SLIT2: variants seen among roughly 807,000 people sequenced by gnomAD.
SLIT2 encodes slit guidance ligand 2.
A neutral mutation model predicts 185.7 loss-of-function variants in SLIT2; 41 were observed. That is an observed-to-expected ratio of 0.22 (90% confidence interval 0.17 to 0.29). The LOEUF (loss-of-function observed/expected upper bound fraction) is 0.29. SLIT2 is among the 10% of genes least tolerant of loss of function. The probability of loss-of-function intolerance (pLI) is 1.00; values close to 1 mark genes in which losing one functional copy is unlikely to be tolerated. For missense variants in SLIT2, 1,571 were observed against 1,909.0 expected, an observed-to-expected ratio of 0.82 and a Z score of 3.30; for synonymous variants, 693 against 680.2, an observed-to-expected ratio of 1.02 and a Z score of -0.29.
chr4:20,377,310 C>G (rs1246128646), intron 4 of SLIT2, among the ~76,000 whole-genome samples: 3 of 151,946 alleles, frequency 2.0e-5, no homozygotes, highest in Non-Finnish European at 4.4e-5. Context: ...AAGAAACTTA[C>G]TGAAAGTGAA....
At chr4:20,431,124 A>G (rs902127909) in intron 4 of SLIT2, among the ~76,000 whole-genome samples, 1 of 152,236 alleles carries the variant, frequency 6.6e-6, no homozygotes, top group Non-Finnish European at 1.5e-5. Context: ...GGCCCCAGAA[A>G]TAATGTTAAT....
At position 20,480,777 on chromosome 4, in the gene SLIT2, C is replaced by G. The variant is rs1560462641; in HGVS notation, c.529C>G (p.Leu177Val). 1 of 1,611,600 alleles carries G rather than the reference C, an allele frequency of 6.2e-7. No homozygotes were observed. Among genetic ancestry groups the G allele is most frequent in the Admixed American group, 1.7e-5 (1 of 60,010 alleles). Residue 177 changes from leucine to valine, a missense_variant, in exon 6 of 37, where the codon CTG becomes GTG. By Grantham distance (32) the Leu-to-Val change is conservative (BLOSUM62 1). This residue lies in a region of SLIT2 where 1,202 missense variants were observed against 1,416.4 expected (regional missense o/e 0.85). Coordinates refer to ENST00000504154, the MANE Select transcript of SLIT2 (RefSeq NM_004787.4). Reference protein sequence around the residue: ...EDGAFRALRDLEVLTLNNNNI... With the variant: ...EDGAFRALRDVEVLTLNNNNI... ...TGGGGCATTCAGGGCTCTCCGGGAC[C>G]TGGAAGTGCTGTAAGTACTGCTATT...
At chr4:20,259,631 C>T (rs899169405) in intron 3 of SLIT2, among the ~76,000 whole-genome samples, 3 of 151,768 alleles carry the variant, frequency 2.0e-5, no homozygotes, top group African/African-American at 7.2e-5. Context: ...TTTCCTAAAA[C>T]TTATTAACCA....
chr4:20,312,031 A>G (rs1165808214), intron 4 of SLIT2, among the ~76,000 whole-genome samples: 5 of 152,232 alleles, frequency 3.3e-5, no homozygotes, highest in African/African-American at 1.2e-4. Context: ...TTCATGAGTA[A>G]GATTAGCTAA....
chr4:20,566,153 G>T (rs1008272022), intron 26 of SLIT2, among the ~76,000 whole-genome samples: 1 of 152,008 alleles, frequency 6.6e-6, no homozygotes, highest in Non-Finnish European at 1.5e-5. Context: ...CGGTGGGGGT[G>T]CAGAGCTGCT....
intron 4 of SLIT2, among the ~76,000 whole-genome samples, chr4:20,340,927 C>T (rs982035540): frequency 3.9e-5 from 6 of 151,956 alleles, no homozygotes; most frequent in Non-Finnish European, 5.9e-5. Context: ...TATTAGAACA[C>T]GTTAAGTTCT....
chr4:20,525,083 TA>T, intron 14 of SLIT2, 65 bp from the exon 15 acceptor site: 1 of 1,170,102 alleles, frequency 8.5e-7, no homozygotes, highest in Non-Finnish European at 1.3e-6. Flanking sequence ...TAATCTAATA[TA>T]ACTCATATCT....
At chr4:20,267,586 T>A (rs571159658) in intron 3 of SLIT2, among the ~76,000 whole-genome samples, 2 of 151,872 alleles carry the variant, frequency 1.3e-5, no homozygotes, top group East Asian at 3.9e-4. Flanking sequence ...TCTGCTTGAA[T>A]ACATTTTGAG....
At chr4:20,422,481 T>C (rs761180782) in intron 4 of SLIT2, among the ~76,000 whole-genome samples, 1 of 152,172 alleles carries the variant, frequency 6.6e-6, no homozygotes, top group Non-Finnish European at 1.5e-5. Context: ...ATCATTTTGA[T>C]TGACCAAAAA....
chr4:20,448,092 T>C (rs1231840215), intron 4 of SLIT2, among the ~76,000 whole-genome samples: 2 of 152,166 alleles, frequency 1.3e-5, no homozygotes, highest in Non-Finnish European at 2.9e-5. Context: ...GTCAGTCTAT[T>C]TCTAACTACT....
intron 17 of SLIT2, chr4:20,533,280 C>A: frequency 3.7e-6 from 1 of 273,964 alleles, no homozygotes; most frequent in Non-Finnish European, 6.8e-6. Flanking sequence ...TTATAGATGG[C>A]ATAAAGGTTT....
At chr4:20,512,176 T>C (rs542073518) in intron 11 of SLIT2, among the ~76,000 whole-genome samples, 9 of 152,106 alleles carry the variant, frequency 5.9e-5, no homozygotes, top group East Asian at 1.9e-4. Context: ...TTGATGTCAA[T>C]TCCTGCCAAA....
At chr4:20,311,205 TA>T (rs1381652168) in intron 4 of SLIT2, among the ~76,000 whole-genome samples, 6 of 152,236 alleles carry the variant, frequency 3.9e-5, no homozygotes, top group African/African-American at 1.4e-4. Flanking sequence ...CAATATTTTA[TA>T]CCAAAATAAT....
intron 4 of SLIT2, among the ~76,000 whole-genome samples, chr4:20,386,566 C>A (rs555931505): frequency 3.3e-4 from 51 of 152,250 alleles, no homozygotes; most frequent in Middle Eastern, 3.4e-3. Flanking sequence ...TACCAATGTG[C>A]AAGCCTCACT....
At position 20,254,236 on chromosome 4, in the gene SLIT2, C is replaced by T. The variant is rs1223229369; in HGVS notation, c.179+242C>T. ...CCTCCCCTGCTCTCGTCCCGCCACT[C>T]GCAGCTCCTTGCTGGCTAGTTCTCT... On this transcript the variant is annotated intron_variant, in intron 1 of 36. Transcript: ENST00000504154. This position sits in a 1 kb window ranked among gnomAD's most constrained non-coding sequence, Gnocchi z 5.1. Among the ~76,000 whole-genome samples the T allele has an allele frequency of 6.6e-6, 1 of 152,144 alleles. No homozygotes were observed. Among genetic ancestry groups the T allele is most frequent in the African/African-American group, 2.4e-5 (1 of 41,436 alleles).
rs369220264 is a variant in SLIT2 at position 20,252,775 on chromosome 4, G to T, written c.-1041G>T. Among the ~76,000 whole-genome samples the T allele has an allele frequency of 6.6e-6, 1 of 152,168 alleles. No individual in the cohort carries two copies. The highest frequency in any genetic ancestry group is 1.5e-5 in the Non-Finnish European group (1 of 68,026). ...GGATCCCACCCGCCCACCTGCCACC[G>T]AGCCATTCTCCAGTACGCCCCAGCA... is the stretch of plus-strand genomic sequence containing the variant. On this transcript the variant is annotated 5_prime_UTR_variant, in exon 1 of 37. Coordinates refer to ENST00000504154, the MANE Select transcript of SLIT2 (RefSeq NM_004787.4).
intron 7 of SLIT2, 38 bp from the exon 8 acceptor site, chr4:20,488,781 C>G: frequency 6.6e-7 from 1 of 1,510,906 alleles, no homozygotes; most frequent in East Asian, 2.3e-5. Context: ...TAACGACTTT[C>G]TGTTTTCTTG....
intron 11 of SLIT2, among the ~76,000 whole-genome samples, chr4:20,517,254 C>G (rs1720295876): frequency 6.6e-6 from 1 of 152,140 alleles, no homozygotes; most frequent in Non-Finnish European, 1.5e-5. Flanking sequence ...GAGACATGGG[C>G]AGATGATGGG....
intron 4 of SLIT2, among the ~76,000 whole-genome samples, chr4:20,438,835 C>T (rs1039178383): frequency 1.3e-5 from 2 of 152,340 alleles, no homozygotes; most frequent in African/African-American, 4.8e-5. Context: ...GTGCTACCTA[C>T]TTAATGCGGT....
Sources: allele counts gnomAD v4.1 joint callset (sites outside exome capture counted in the v4.1 genomes callset), GRCh38; gene constraint gnomAD v4.1.1; regional missense constraint gnomAD v4.1.1; non-coding constraint Gnocchi (gnomAD v3.1); transcripts MANE v1.5; gene names NCBI Gene and HGNC (gene_info 2026-07-23, HGNC 2026-07-21).